CHLSN: variants seen among roughly 807,000 people sequenced by gnomAD.
CHLSN encodes the protein cholesin.
the CHLSN span, among the ~76,000 whole-genome samples, chr7:1,013,100 G>A: frequency 9.1e-3 from 1,390 of 152,134 alleles, 28 homozygotes; most frequent in African/African-American, 0.032. Context: ...TGGTAATGCC[G>A]GGACCTGCTG....
the CHLSN span, among the ~76,000 whole-genome samples, chr7:1,113,877 G>A: frequency 9.2e-5 from 14 of 152,358 alleles, no homozygotes; most frequent in Middle Eastern, 3.4e-3. Flanking sequence ...TGGACGGCAG[G>A]AGGCCACGCT....
chr7:1,058,241 G>C, the CHLSN span: 1 of 767,104 alleles, frequency 1.3e-6, no homozygotes, highest in Non-Finnish European at 2.4e-6. Context: ...TGTGCACGCA[G>C]TTTGGGCTCT....
the CHLSN span, chr7:983,193 C>A: frequency 6.8e-7 from 1 of 1,468,306 alleles, no homozygotes; most frequent in Non-Finnish European, 9.1e-7. Context: ...GGGAGTGGAG[C>A]CTCACCAGCC....
At chr7:984,359 A>C in the CHLSN span, 99 of 1,532,070 alleles carry the variant, frequency 6.5e-5, no homozygotes, top group Non-Finnish European at 8.5e-5. Context: ...AGGGGACCTA[A>C]GGGGGGTCTT....
At chr7:1,065,173 G>GCTT in the CHLSN span, among the ~76,000 whole-genome samples, 1 of 152,164 alleles carries the variant, frequency 6.6e-6, no homozygotes, top group African/African-American at 2.4e-5. Flanking sequence ...GGACAGGCTG[G>GCTT]CTTCCTGCCC....
chr7:1,056,879 T>A, the CHLSN span: 1 of 135,406 alleles, frequency 7.4e-6, no homozygotes, highest in Non-Finnish European at 1.6e-5. Flanking sequence ...GGGGTGGGGG[T>A]GGCGAAATTC....
the CHLSN span, among the ~76,000 whole-genome samples, chr7:1,122,823 C>T: frequency 6.6e-6 from 1 of 152,232 alleles, no homozygotes; most frequent in Non-Finnish European, 1.5e-5. Flanking sequence ...CTCTGGTCCA[C>T]AAGAGGAAAG....
chr7:1,062,076 C>T, the CHLSN span, among the ~76,000 whole-genome samples: 1 of 152,230 alleles, frequency 6.6e-6, no homozygotes, highest in African/African-American at 2.4e-5. Flanking sequence ...GTCCCAGGGT[C>T]AATGATATTG....
the CHLSN span, among the ~76,000 whole-genome samples, chr7:1,059,871 T>G: frequency 4.0e-5 from 1 of 24,928 alleles, no homozygotes; most frequent in Non-Finnish European, 7.0e-5. Flanking sequence ...GGGTCTGTAG[T>G]GGGGCGGGTC....
chr7:1,016,841 G>A, the CHLSN span, among the ~76,000 whole-genome samples: 1,089 of 54,866 alleles, frequency 0.02, 20 homozygotes, highest in African/African-American at 0.042. Flanking sequence ...AGCAGCGCAC[G>A]CCAGCACACA....
At chr7:1,110,539 C>T in the CHLSN span, among the ~76,000 whole-genome samples, 1 of 152,216 alleles carries the variant, frequency 6.6e-6, no homozygotes, top group Non-Finnish European at 1.5e-5. Context: ...CCATGGCTCC[C>T]GTGGGGCAGA....
chr7:986,449 T>A, the CHLSN span: 1 of 697,258 alleles, frequency 1.4e-6, no homozygotes, highest in South Asian at 1.9e-5. Context: ...GGGGGTTTCC[T>A]GGCAGTTCCT....
At chr7:1,045,629 T>G in the CHLSN span, 2 of 152,246 alleles carry the variant, frequency 1.3e-5, no homozygotes, top group African/African-American at 2.4e-5. Flanking sequence ...GAGGCACTGT[T>G]AATAATTAGA....
chr7:1,001,033 C>T, the CHLSN span, among the ~76,000 whole-genome samples: 1 of 152,234 alleles, frequency 6.6e-6, no homozygotes, highest in Non-Finnish European at 1.5e-5. Flanking sequence ...CTAGAGGGGC[C>T]GCTCCCCAGG....
the CHLSN span, chr7:983,512 C>A: frequency 8.5e-4 from 842 of 987,218 alleles, 7 homozygotes; most frequent in African/African-American, 0.013. Context: ...GCGGGGCACG[C>A]AGGAGGCCGG....
the CHLSN span, among the ~76,000 whole-genome samples, chr7:1,022,684 G>A: frequency 2.0e-5 from 3 of 152,084 alleles, no homozygotes; most frequent in East Asian, 3.8e-4. Context: ...GAAACACACA[G>A]GGGATTAATT....
chr7:1,083,447 AC>A, the CHLSN span, among the ~76,000 whole-genome samples: 1 of 150,732 alleles, frequency 6.6e-6, no homozygotes, highest in Non-Finnish European at 1.5e-5. Context: ...ACACAGTAAA[AC>A]CCCATCTCTA....
At chr7:990,373 C>T in the CHLSN span, among the ~76,000 whole-genome samples, 3 of 150,262 alleles carry the variant, frequency 2.0e-5, no homozygotes, top group Non-Finnish European at 3.0e-5. Flanking sequence ...GTGACAGTGG[C>T]GCGTGTGCTG....
the CHLSN span, among the ~76,000 whole-genome samples, chr7:1,008,901 C>T: frequency 7.4e-5 from 7 of 94,526 alleles, no homozygotes; most frequent in African/African-American, 3.3e-4. Flanking sequence ...CATGCACACA[C>T]GTACACAACA....
Sources: allele counts gnomAD v4.1 joint callset (sites outside exome capture counted in the v4.1 genomes callset), GRCh38; gene constraint gnomAD v4.1.1; transcripts MANE v1.5; gene names NCBI Gene and HGNC (gene_info 2026-07-23, HGNC 2026-07-21).